Variants in STX1B observed in about 807,000 individuals in gnomAD.
The protein encoded by STX1B is syntaxin-1B.
STX1B carries 7 observed loss-of-function variants against 39.4 expected under a neutral mutation model. That is an observed-to-expected ratio of 0.18 (90% CI 0.10 to 0.33). The LOEUF (loss-of-function observed/expected upper bound fraction) is 0.33, where lower values mean the gene tolerates loss of function less well. Among genes scored for constraint, STX1B ranks in the 10% least tolerant of loss-of-function variants. The probability of loss-of-function intolerance (pLI) is 1.00; values close to 1 mark genes in which losing one functional copy is unlikely to be tolerated. For missense variants in STX1B, 198 were observed against 383.2 expected, an observed-to-expected ratio of 0.52 and a Z score of 4.04; for synonymous variants, 136 against 144.1, an observed-to-expected ratio of 0.94 and a Z score of 0.40.
Position 30,996,938 on chromosome 16 carries a change from G to A in STX1B, c.463+13C>T, listed in dbSNP as rs112285959. The A allele has an allele frequency of 3.5e-5, 56 of 1,608,546 alleles. No homozygotes were observed. The highest frequency in any genetic ancestry group is 3.3e-4 in the African/African-American group (25 of 74,964). On this transcript the variant is annotated intron_variant, in intron 6 of 9. Transcript: ENST00000215095. ...CAAGGAGTTCGGGGTCCTGGGGTGGGGGGCACACGCACTGATCTCCAGTTG... is the reference window on the plus strand; with the variant it reads ...CAAGGAGTTCGGGGTCCTGGGGTGGAGGGCACACGCACTGATCTCCAGTTG...
At position 30,993,328 on chromosome 16, in the gene STX1B, T is replaced by C; in HGVS notation, c.675+19A>G. Reference sequence around the variant, plus strand: ...GCCCAGGGAGGCTCCCAGAGTGGCATGGGTGGCAGAGCCAGTACCTGGCTC... The same window carrying C: ...GCCCAGGGAGGCTCCCAGAGTGGCACGGGTGGCAGAGCCAGTACCTGGCTC... On this transcript the variant is annotated intron_variant, in intron 8 of 9. Transcript: ENST00000215095. 1 of 1,613,680 alleles carries C rather than the reference T, an allele frequency of 6.2e-7. No individual in the cohort carries two copies. The highest frequency in any genetic ancestry group is 8.5e-7 in the Non-Finnish European group (1 of 1,179,650).
At chr16:31,009,510 C>T (rs947303085) in intron 1 of STX1B, among the ~76,000 whole-genome samples, 17 of 151,960 alleles carry the variant, frequency 1.1e-4, no homozygotes, top group Admixed American at 1.0e-3. Flanking sequence ...CTCCAAATAC[C>T]CCAGCGTCCT....
rs2056535692 is a variant in STX1B at position 30,989,477 on chromosome 16, G to A, written c.*3344C>T. The A allele has an allele frequency of 6.6e-6, 1 of 152,044 alleles. No individual in the cohort carries two copies. Among genetic ancestry groups the A allele is most frequent in the Non-Finnish European group, 1.5e-5 (1 of 68,030 alleles). The allele number at this position is 152,044 out of a possible 1,614,324, so 9.4% of individuals were successfully genotyped here. ...ACAGGAGAGGGCGGCCTGGCTCTGG[G>A]CCCCAGCCAGGCCCCAGGAGTCCTG... On this transcript the variant is annotated 3_prime_UTR_variant, in exon 10 of 10. Coordinates refer to ENST00000215095, the MANE Select transcript of STX1B (RefSeq NM_052874.5).
At chr16:31,004,963 G>A (rs2056648318) in intron 1 of STX1B, among the ~76,000 whole-genome samples, 1 of 152,164 alleles carries the variant, frequency 6.6e-6, no homozygotes, top group Non-Finnish European at 1.5e-5. Context: ...GTCCTAAAAA[G>A]CCCACTCTGC....
rs2056627427 is a variant in STX1B at position 31,001,329 on chromosome 16, G to C, written c.106-136C>G. On this transcript the variant is annotated intron_variant, in intron 2 of 9. Transcript: ENST00000215095. The surrounding 1 kb of genome is among the most constrained non-coding windows in gnomAD (Gnocchi z 5.5). Reference sequence around the variant, plus strand: ...AGGCCAGGGAGGGTGCAGGAGCAGGGAAGTGGGGGACAGGGAAAAGGAAGT... The same window carrying C: ...AGGCCAGGGAGGGTGCAGGAGCAGGCAAGTGGGGGACAGGGAAAAGGAAGT... 1.1e-6 allele frequency: 1 copy of C among 923,352 alleles called. No individual in the cohort carries two copies. Among genetic ancestry groups the C allele is most frequent in the Non-Finnish European group, 1.7e-6 (1 of 594,178 alleles). 57.2% of individuals were successfully genotyped at this position (923,352 alleles called of 1,614,324 possible). A position where few individuals can be genotyped will look rare whatever the true frequency, so the allele number is the denominator to read the frequency against.
At chr16:31,007,691 A>G (rs1197926818) in intron 1 of STX1B, among the ~76,000 whole-genome samples, 7 of 152,104 alleles carry the variant, frequency 4.6e-5, no homozygotes, top group Admixed American at 3.9e-4. Context: ...ATGTACTCCA[A>G]AATAAAATAG....
At chr16:30,998,485 C>T (rs1032092426) in intron 4 of STX1B, among the ~76,000 whole-genome samples, 4 of 152,230 alleles carry the variant, frequency 2.6e-5, no homozygotes, top group African/African-American at 4.8e-5. Flanking sequence ...GATTGGGGCC[C>T]GACTGTCAGC....
Position 31,001,536 on chromosome 16 carries a change from A to C in STX1B, c.98T>G (p.Phe33Cys). ...GCCTTGGAGGCCCATTACCTGTTCA[A>C]AGAACTCATCCATGAAGTGGTCCCG... ...VDRDHFMDEF[F>C]EQVEEIRGCI... Residue 33 changes from phenylalanine to cysteine, a missense_variant, in exon 2 of 10, where the codon TTT becomes TGT. Coordinates refer to ENST00000215095, the MANE Select transcript of STX1B (RefSeq NM_052874.5). This position sits in a 1 kb window ranked among gnomAD's most constrained non-coding sequence, Gnocchi z 5.5. 1 of 1,611,360 alleles carries C rather than the reference A, an allele frequency of 6.2e-7. No homozygotes were observed. Among genetic ancestry groups the C allele is most frequent in the Non-Finnish European group, 8.5e-7 (1 of 1,179,308 alleles).
intron 1 of STX1B, among the ~76,000 whole-genome samples, chr16:31,004,350 T>C (rs992865095): frequency 6.6e-6 from 1 of 152,162 alleles, no homozygotes; most frequent in South Asian, 2.1e-4. Context: ...TATAGCCCCC[T>C]TTTATAGATG....
chr16:30,994,588 G>GA lies in STX1B; in HGVS notation c.538-1105dup, dbSNP rs563043482. Among the ~76,000 whole-genome samples, 427 of 127,768 alleles carry GA rather than the reference G, an allele frequency of 3.3e-3. 2 individuals carry two copies. Among genetic ancestry groups the GA allele is most frequent in the Admixed American group, 5.7e-3 (70 of 12,362 alleles). The allele number at this position is 127,768 out of a possible 152,430, so 83.8% of individuals were successfully genotyped here. A position where few individuals can be genotyped will look rare whatever the true frequency, so the allele number is the denominator to read the frequency against. On this transcript the variant is annotated intron_variant, in intron 7 of 9. Coordinates refer to ENST00000215095, the MANE Select transcript of STX1B (RefSeq NM_052874.5). The stretch of plus-strand genomic sequence containing the variant: ...ATGGGCCACAGAGTGAGACCATGCT[G>GA]AAAAAAAAAAAAAAAGAAAGCCAGT...
In STX1B at chr16:31,001,208, C is replaced by T. The variant is rs374849858; in HGVS notation, c.106-15G>A. ...ATCTCTTCCACCTGGAGCAGAAAAT[C>T]GGCTATACCCAGCCAAGCTGTCAGG... is the stretch of plus-strand genomic sequence containing the variant. On this transcript the variant is annotated splice_polypyrimidine_tract_variant and intron_variant, in intron 2 of 9. Transcript: ENST00000215095. This position sits in a 1 kb window ranked among gnomAD's most constrained non-coding sequence, Gnocchi z 5.5. 9.3e-5 allele frequency: 150 copies of T among 1,611,990 alleles called. No individual in the cohort carries two copies. In the African/African-American group the frequency reaches 1.3e-3, roughly 13 times the overall value.
intron 4 of STX1B, 114 bp downstream of exon 4, chr16:31,000,814 G>C: frequency 2.0e-6 from 2 of 1,017,946 alleles, no homozygotes; most frequent in Non-Finnish European, 3.1e-6. Flanking sequence ...GCCCAGGCTG[G>C]TGTTGAACTC....
In STX1B at chr16:30,996,190, GA is replaced by G. The variant is rs1240596846; in HGVS notation, c.537+492del. 2.6e-5 allele frequency: 4 copies of G among 151,784 alleles called. No homozygotes were observed. In the South Asian group the frequency reaches 6.2e-4, roughly 24 times the overall value. 9.4% of individuals were successfully genotyped at this position (151,784 alleles called of 1,614,324 possible). ...AACTCCGTCTTGAAGAAAAAAAAAAGAAAAAAAGTTTTTTTTAATTAAAAAA... is the reference window on the plus strand; with the variant it reads ...AACTCCGTCTTGAAGAAAAAAAAAAGAAAAAAGTTTTTTTTAATTAAAAAA... On this transcript the variant is annotated intron_variant, in intron 7 of 9. Coordinates refer to ENST00000215095, the MANE Select transcript of STX1B (RefSeq NM_052874.5).
At chr16:31,002,037 C>T (rs762226791) in intron 1 of STX1B, among the ~76,000 whole-genome samples, 2 of 152,144 alleles carry the variant, frequency 1.3e-5, no homozygotes, top group Non-Finnish European at 2.9e-5. Context: ...CTCTTCCTCT[C>T]CTGCCCCACC....
chr16:31,005,565 C>A (rs546044368), intron 1 of STX1B, among the ~76,000 whole-genome samples: 9 of 146,254 alleles, frequency 6.2e-5, no homozygotes, highest in African/African-American at 2.3e-4. Context: ...TCCTTGGCCT[C>A]CCAAAGCGCT....
chr16:31,000,863 G>A (rs763197624), intron 4 of STX1B, 65 bp downstream of exon 4: 1 of 1,564,336 alleles, frequency 6.4e-7, no homozygotes, highest in Admixed American at 1.7e-5. Context: ...CCCTCCCAAA[G>A]GCCTGAGCCA....
In STX1B at chr16:30,991,511, C is replaced by CGT. The variant is rs1555493674; in HGVS notation, c.*1308_*1309dup. The CGT allele has an allele frequency of 1.3e-5, 2 of 151,314 alleles. No homozygotes were observed. The highest frequency in any genetic ancestry group is 4.9e-5 in the African/African-American group (2 of 41,208). 9.4% of individuals were successfully genotyped at this position (151,314 alleles called of 1,614,324 possible). A position where few individuals can be genotyped will look rare whatever the true frequency, so the allele number is the denominator to read the frequency against. On this transcript the variant is annotated 3_prime_UTR_variant, in exon 10 of 10. Coordinates refer to ENST00000215095, the MANE Select transcript of STX1B (RefSeq NM_052874.5). ...GTCCTTAGAAGTGTGTGTGCACGCACGTGTGTGTGTGTGTGTGTAATACGC... is the reference window on the plus strand; with the variant it reads ...GTCCTTAGAAGTGTGTGTGCACGCACGTGTGTGTGTGTGTGTGTGTAATACGC...
intron 7 of STX1B, among the ~76,000 whole-genome samples, chr16:30,995,858 T>G (rs2056589031): frequency 6.6e-6 from 1 of 152,028 alleles, no homozygotes; most frequent in African/African-American, 2.4e-5. Flanking sequence ...AAACTAAAAC[T>G]TGTTTTAAAA....
Position 31,001,265 on chromosome 16 carries a change from G to A in STX1B, c.106-72C>T. ...AACGGGTTCCAGGGGAACCAGCCAG[G>A]GTTCAGGGGAATGGACCAGCCCCAG... On this transcript the variant is annotated intron_variant, in intron 2 of 9. Transcript: ENST00000215095. The surrounding 1 kb of genome is among the most constrained non-coding windows in gnomAD (Gnocchi z 5.5). The A allele has an allele frequency of 6.8e-7, 1 of 1,473,826 alleles. No homozygotes were observed. The highest frequency in any genetic ancestry group is 1.1e-5 in the South Asian group (1 of 87,248). 91.3% of individuals were successfully genotyped at this position (1,473,826 alleles called of 1,614,324 possible).
Sources: allele counts gnomAD v4.1 joint callset (sites outside exome capture counted in the v4.1 genomes callset), GRCh38; gene constraint gnomAD v4.1.1; non-coding constraint Gnocchi (gnomAD v3.1); transcripts MANE v1.5; gene names NCBI Gene and HGNC (gene_info 2026-07-23, HGNC 2026-07-21).